Variants in MTPN observed in about 807,000 individuals in gnomAD.
MTPN encodes granule cell differentiation protein.
In MTPN, 2 loss-of-function variants were observed where a neutral mutation model predicts 13.5. The observed-to-expected ratio is 0.15, with a 90% CI of 0.06 to 0.47. The LOEUF is 0.47. Among genes scored for constraint, MTPN ranks in the 20% least tolerant of loss-of-function variants. The pLI, the probability that MTPN is intolerant of heterozygous loss-of-function variation, is 0.97. For synonymous variants in MTPN, 46 were observed against 51.7 expected, an observed-to-expected ratio of 0.89 and a Z score of 0.48; for missense variants, 79 against 137.9, an observed-to-expected ratio of 0.57 and a Z score of 2.14.
At chr7:135,976,707 C>A (rs997631399) in intron 1 of MTPN, among the ~76,000 whole-genome samples, 1 of 151,954 alleles carries the variant, frequency 6.6e-6, no homozygotes, top group African/African-American at 2.4e-5. Flanking sequence ...TAGAAGAGGG[C>A]CAAACTCAAA....
Position 135,929,805 on chromosome 7 carries a change from C to A in MTPN, c.*121G>T. 1 of 984,336 alleles carries A rather than the reference C, an allele frequency of 1.0e-6. No individual in the cohort carries two copies. Among genetic ancestry groups the A allele is most frequent in the South Asian group, 1.4e-5 (1 of 69,030 alleles). The allele number at this position is 984,336 out of a possible 1,614,324, so 61.0% of individuals were successfully genotyped here. ...CGGATTTGTTATGAATTTCTCTCTC[C>A]CCTCACCCCTCTTAAAGTATTTAGC... On this transcript the variant is annotated 3_prime_UTR_variant, in exon 4 of 4. Transcript: ENST00000393085.
Position 135,970,573 on chromosome 7 carries a change from C to T in MTPN, c.72+6456G>A, listed in dbSNP as rs1052117749. Among the ~76,000 whole-genome samples the T allele has an allele frequency of 5.9e-5, 9 of 152,066 alleles. No homozygotes were observed. In the East Asian group the frequency reaches 9.6e-4, roughly 16 times the overall value. On this transcript the variant is annotated intron_variant, in intron 1 of 3. Transcript: ENST00000393085. ...TTTTACTTTATTCAATACAGCTTTG[C>T]TTTTTTAAATAACAAGCTCATAATA...
chr7:135,966,123 A>G (rs1799600563), intron 1 of MTPN, among the ~76,000 whole-genome samples: 1 of 152,158 alleles, frequency 6.6e-6, no homozygotes, highest in South Asian at 2.1e-4. Context: ...TAGCTCCCAG[A>G]ACTGCTAGGA....
chr7:135,938,781 A>G (rs535196454), intron 3 of MTPN, among the ~76,000 whole-genome samples: 1 of 152,336 alleles, frequency 6.6e-6, no homozygotes, highest in South Asian at 2.1e-4. Flanking sequence ...AGTAAGAAAG[A>G]AACCAAGACT....
chr7:135,940,888 G>A (rs1318582651), intron 3 of MTPN, among the ~76,000 whole-genome samples: 1 of 152,162 alleles, frequency 6.6e-6, no homozygotes, highest in African/African-American at 2.4e-5. Context: ...AGTCCATTCT[G>A]TGAATCTTTA....
Position 135,971,413 on chromosome 7 carries a change from CATCCTGCTATGATTATTTTTACT to C in MTPN, c.72+5593_72+5615del, listed in dbSNP as rs765912939. On this transcript the variant is annotated intron_variant, in intron 1 of 3. Transcript: ENST00000393085. ...TTTAGTAGTCTCAATGGATAATTAC[CATCCTGCTATGATTATTTTTACT>C]ATTTACTCAATAATATAGTACCCCC... Among the ~76,000 whole-genome samples, 260 of 152,262 alleles carry C rather than the reference CATCCTGCTATGATTATTTTTACT, an allele frequency of 1.7e-3. 2 individuals carry two copies. Among genetic ancestry groups the C allele is most frequent in the Middle Eastern group, 3.4e-3 (1 of 294 alleles).
intron 1 of MTPN, among the ~76,000 whole-genome samples, chr7:135,965,442 A>T (rs1482999002): frequency 6.6e-6 from 1 of 152,108 alleles, no homozygotes; most frequent in African/African-American, 2.4e-5. Context: ...AATAATAAAA[A>T]ATATTTTCTA....
chr7:135,938,621 T>C (rs1211234104), intron 3 of MTPN, among the ~76,000 whole-genome samples: 1 of 152,224 alleles, frequency 6.6e-6, no homozygotes, highest in African/African-American at 2.4e-5. Context: ...CATAGAAGCA[T>C]GCTGGTGTCC....
At chr7:135,962,663 T>C (rs1371255276) in intron 1 of MTPN, among the ~76,000 whole-genome samples, 2 of 151,996 alleles carry the variant, frequency 1.3e-5, no homozygotes, top group African/African-American at 4.8e-5. Context: ...AAGCGGTATG[T>C]TTTTAGAAGT....
At chr7:135,944,262 C>T (rs1389906338) in intron 3 of MTPN, among the ~76,000 whole-genome samples, 1 of 152,092 alleles carries the variant, frequency 6.6e-6, no homozygotes, top group Non-Finnish European at 1.5e-5. Flanking sequence ...ATTAGGAATA[C>T]TGAACTTCTT....
At chr7:135,952,120 G>A (rs1239211885) in intron 1 of MTPN, among the ~76,000 whole-genome samples, 1 of 152,142 alleles carries the variant, frequency 6.6e-6, no homozygotes. Context: ...TGTGTAGCAG[G>A]CACTGTGCTA....
intron 3 of MTPN, among the ~76,000 whole-genome samples, chr7:135,935,510 G>A (rs1330313225): frequency 6.6e-6 from 1 of 152,156 alleles, no homozygotes; most frequent in Non-Finnish European, 1.5e-5. Flanking sequence ...AAAATGCTGG[G>A]ATCACAGGCG....
At chr7:135,975,348 T>G (rs943630274) in intron 1 of MTPN, among the ~76,000 whole-genome samples, 5 of 152,210 alleles carry the variant, frequency 3.3e-5, no homozygotes, top group South Asian at 2.1e-4. Context: ...GACTGAGAGA[T>G]AGTGCGTGGA....
rs554243039 is a variant in MTPN, at chr7:135,969,508, TA to T, written c.72+7520del. ...AAAGAGGAACTATAATAATAAATGGTATGAGAACTGTCAAAAAAAAAGTATA... is the reference window on the plus strand; with the variant it reads ...AAAGAGGAACTATAATAATAAATGGTTGAGAACTGTCAAAAAAAAAGTATA... On this transcript the variant is annotated intron_variant, in intron 1 of 3. Transcript: ENST00000393085. 2.1e-5 allele frequency among the ~76,000 whole-genome samples: 3 copies of T among 141,958 alleles called. No homozygotes were observed. In the South Asian group the frequency reaches 6.5e-4, roughly 31 times the overall value. 93.1% of individuals were successfully genotyped at this position (141,958 alleles called of 152,430 possible). A position where few individuals can be genotyped will look rare whatever the true frequency, so the allele number is the denominator to read the frequency against.
At position 135,977,162 on chromosome 7, in the gene MTPN, C is replaced by T. The variant is rs1799791319; in HGVS notation, c.-62G>A. 4.5e-6 allele frequency: 7 copies of T among 1,553,892 alleles called. No homozygotes were observed. The highest frequency in any genetic ancestry group is 6.2e-6 in the Non-Finnish European group (7 of 1,127,708). ...ATGAGGAGGCGGTGGCAGCAGCAAG[C>T]GGATGCCGCCGGGCGAGAGGGAGGC... On this transcript the variant is annotated 5_prime_UTR_variant, in exon 1 of 4. Coordinates refer to ENST00000393085, the MANE Select transcript of MTPN (RefSeq NM_145808.4).
At chr7:135,936,629 C>T (rs901063702) in intron 3 of MTPN, among the ~76,000 whole-genome samples, 1 of 152,194 alleles carries the variant, frequency 6.6e-6, no homozygotes, top group African/African-American at 2.4e-5. Flanking sequence ...GGCTGCCTGC[C>T]TACTAGCACA....
At chr7:135,963,216 A>G (rs547600413) in intron 1 of MTPN, among the ~76,000 whole-genome samples, 1 of 152,142 alleles carries the variant, frequency 6.6e-6, no homozygotes, top group African/African-American at 2.4e-5. Flanking sequence ...TTAAGACTGC[A>G]GTGTTTAATA....
intron 1 of MTPN, among the ~76,000 whole-genome samples, chr7:135,976,074 G>T (rs1449151777): frequency 1.3e-5 from 2 of 152,210 alleles, no homozygotes; most frequent in Non-Finnish European, 1.5e-5. Flanking sequence ...TGTTTTGGAA[G>T]ATTCATTTTA....
At chr7:135,933,447 T>C (rs900021341) in intron 3 of MTPN, among the ~76,000 whole-genome samples, 1 of 152,212 alleles carries the variant, frequency 6.6e-6, no homozygotes, top group African/African-American at 2.4e-5. Context: ...TAAGATACTT[T>C]CTCAACCTTC....
Sources: gnomAD v4.1 joint callset for allele counts (sites outside exome capture counted in the v4.1 genomes callset) on GRCh38, gnomAD v4.1.1 for gene constraint, MANE v1.5 for transcripts, NCBI Gene and HGNC (gene_info 2026-07-23, HGNC 2026-07-21) for gene names.